CTNNA2: variants seen among roughly 807,000 people sequenced by gnomAD.
CTNNA2 encodes the protein catenin alpha-2.
CTNNA2 carries 42 observed loss-of-function variants against 101.0 expected under a neutral mutation model. The observed-to-expected ratio is 0.42, with a 90% CI of 0.32 to 0.54. The LOEUF is 0.54. Among genes scored for constraint, CTNNA2 ranks in the 20% least tolerant of loss-of-function variants. CTNNA2 has a pLI of 0.14. For synonymous variants in CTNNA2, 450 were observed against 456.4 expected (o/e 0.99, Z 0.18); for missense variants, 871 against 1,223.1 (o/e 0.71, Z 4.29).
chr2:80,232,442 C>T (rs1414514108), intron 7 of CTNNA2, among the ~76,000 whole-genome samples: 1 of 146,552 alleles, frequency 6.8e-6, no homozygotes, highest in African/African-American at 2.5e-5. Flanking sequence ...TTTCCCCACC[C>T]TTCTCCTTCT....
chr2:79,577,642 A>G (rs573335677), intron 1 of CTNNA2, among the ~76,000 whole-genome samples: 21 of 152,194 alleles, frequency 1.4e-4, no homozygotes, highest in African/African-American at 4.8e-4. Flanking sequence ...AATGTTAATT[A>G]CTTTGGTGCT....
chr2:79,417,525 C>T (rs1472253191), intron 4 of CTNNA2, among the ~76,000 whole-genome samples: 1 of 152,142 alleles, frequency 6.6e-6, no homozygotes, highest in African/African-American at 2.4e-5. Context: ...TGGGACACTT[C>T]ATACTTCAAA....
intron 9 of CTNNA2, among the ~76,000 whole-genome samples, chr2:80,482,049 A>G (rs906621038): frequency 1.1e-4 from 16 of 151,804 alleles, no homozygotes; most frequent in African/African-American, 3.9e-4. Flanking sequence ...AAATGTTAAG[A>G]CTTAGAATTG....
chr2:79,792,319 G>C (rs1021805137), intron 3 of CTNNA2, among the ~76,000 whole-genome samples: 2 of 152,178 alleles, frequency 1.3e-5, no homozygotes, highest in Non-Finnish European at 2.9e-5. Context: ...CTCTGGAGCA[G>C]AGGACAGACA....
At chr2:80,458,867 G>C (rs1684194762) in intron 9 of CTNNA2, among the ~76,000 whole-genome samples, 1 of 152,048 alleles carries the variant, frequency 6.6e-6, no homozygotes, top group Non-Finnish European at 1.5e-5. Flanking sequence ...ATAGTCATGG[G>C]CTACATAAGG....
At chr2:79,296,965 A>C (rs1219713977) in intron 2 of CTNNA2, among the ~76,000 whole-genome samples, 2 of 152,024 alleles carry the variant, frequency 1.3e-5, no homozygotes, top group Non-Finnish European at 2.9e-5. Flanking sequence ...ATTCCTGCTG[A>C]GCATTGCTGC....
At chr2:80,304,004 A>C (rs1352423555) in intron 7 of CTNNA2, 1 of 595,732 alleles carries the variant, frequency 1.7e-6, no homozygotes, top group African/African-American at 1.9e-5. Flanking sequence ...ACCTCTAAGC[A>C]TGCAGAAAGC....
intron 4 of CTNNA2, among the ~76,000 whole-genome samples, chr2:79,424,530 G>A (rs1397502845): frequency 1.3e-5 from 2 of 152,024 alleles, no homozygotes; most frequent in African/African-American, 4.8e-5. Flanking sequence ...AATAACAAAA[G>A]CTACCTTATA....
At chr2:79,799,643 C>G (rs1393991584) in intron 3 of CTNNA2, among the ~76,000 whole-genome samples, 3 of 151,970 alleles carry the variant, frequency 2.0e-5, no homozygotes, top group Non-Finnish European at 4.4e-5. Context: ...AGTGAGAGAG[C>G]AAAAAGAGCT....
chr2:80,342,952 G>A (rs1672373756), intron 7 of CTNNA2, among the ~76,000 whole-genome samples: 1 of 152,132 alleles, frequency 6.6e-6, no homozygotes, highest in African/African-American at 2.4e-5. Context: ...CTAGCTTCTG[G>A]TAGCCTCAAA....
chr2:80,575,801 A>G (rs1293658853), intron 13 of CTNNA2, among the ~76,000 whole-genome samples: 1 of 152,078 alleles, frequency 6.6e-6, no homozygotes, highest in Admixed American at 6.6e-5. Context: ...CACACACACA[A>G]TTTTAGATAA....
Position 80,608,228 on chromosome 2 carries a change from A to G in CTNNA2, c.2340A>G (p.Gln780=). The G allele has an allele frequency of 1.9e-6, 3 of 1,610,906 alleles. No individual in the cohort carries two copies. Among genetic ancestry groups the G allele is most frequent in the Non-Finnish European group, 2.5e-6 (3 of 1,177,796 alleles). The part of the protein sequence containing the change: ...ACKQDLLAYL[Q]RIALYCHQLN... ...AGCAGGATTTATTAGCCTACCTTCA[A>G]CGAATTGCCTTGTATTGCCATCAGC... Residue 780 remains glutamine (Q), a synonymous_variant, in exon 17 of 19, where the codon CAA becomes CAG. Transcript: ENST00000402739.
intron 8 of CTNNA2, among the ~76,000 whole-genome samples, chr2:80,418,726 T>C (rs1347913798): frequency 1.3e-5 from 2 of 152,186 alleles, no homozygotes; most frequent in Non-Finnish European, 2.9e-5. Context: ...ATTCAGATAA[T>C]TATGAACAAA....
rs556315148 is a variant in CTNNA2, at chr2:79,849,590, C to T, written c.299-8423C>T. On this transcript the variant is annotated intron_variant, in intron 3 of 18. Coordinates refer to ENST00000402739, the MANE Select transcript of CTNNA2 (RefSeq NM_001282597.3). ...GGGTGAAATGCATGTATAGCTCTCT[C>T]ATATTCTTGATAGTTTCCAAAAAAG... Among the ~76,000 whole-genome samples, 98 of 152,244 alleles carry T rather than the reference C, an allele frequency of 6.4e-4. 1 individual carries two copies. The highest frequency in any genetic ancestry group is 2.5e-3 in the South Asian group (12 of 4,822).
At chr2:79,349,523 G>T (rs1677336804) in intron 3 of CTNNA2, among the ~76,000 whole-genome samples, 1 of 152,156 alleles carries the variant, frequency 6.6e-6, no homozygotes, top group Non-Finnish European at 1.5e-5. Flanking sequence ...GATTGTGAAG[G>T]AGAATATAAG....
chr2:80,377,289 T>C (rs80227929), intron 7 of CTNNA2, among the ~76,000 whole-genome samples: 5,458 of 152,354 alleles, frequency 0.036, 125 homozygotes, highest in South Asian at 0.076. Flanking sequence ...TTCTTGGCAC[T>C]GTGCCTTTCC....
chr2:79,718,151 C>T (rs1686230789), intron 2 of CTNNA2, among the ~76,000 whole-genome samples: 1 of 152,098 alleles, frequency 6.6e-6, no homozygotes, highest in Admixed American at 6.6e-5. Context: ...ATAGTGTTTC[C>T]CTTGCAGGCA....
intron 2 of CTNNA2, among the ~76,000 whole-genome samples, chr2:79,296,068 G>A (rs1245604135): frequency 1.3e-5 from 2 of 151,924 alleles, no homozygotes; most frequent in African/African-American, 2.4e-5. Flanking sequence ...AAATAGTAGG[G>A]CTTCCATAAA....
chr2:80,328,445 A>G (rs1671022399), intron 7 of CTNNA2: 5 of 467,870 alleles, frequency 1.1e-5, no homozygotes, highest in South Asian at 7.8e-5. Context: ...GAGAGGAAGG[A>G]CAGTGTAGAG....
Sources: gnomAD v4.1 joint callset for allele counts (sites outside exome capture counted in the v4.1 genomes callset) on GRCh38, gnomAD v4.1.1 for gene constraint, MANE v1.5 for transcripts, NCBI Gene and HGNC (gene_info 2026-07-23, HGNC 2026-07-21) for gene names.